Variants in SDR16C5 observed in about 807,000 individuals in gnomAD.
SDR16C5 encodes the protein short chain dehydrogenase/reductase family 16C member 5, also known as epidermal retinol dehydrogenase 2.
A neutral mutation model predicts 27.7 loss-of-function variants in SDR16C5; 20 were observed. The observed-to-expected ratio is 0.72, with a 90% confidence interval of 0.51 to 1.05. SDR16C5 has a LOEUF of 1.05. Ranked by LOEUF, SDR16C5 falls within the 50% of genes least tolerant of loss-of-function variation. The pLI, the probability that SDR16C5 is intolerant of heterozygous loss-of-function variation, is 0.00. For synonymous variants in SDR16C5, 139 were observed against 132.3 expected, an observed-to-expected ratio of 1.05 and a Z score of -0.35; for missense variants, 374 against 366.3, an observed-to-expected ratio of 1.02 and a Z score of -0.17.
At chr8:56,310,716 C>CAAA (rs869062505) in intron 3 of SDR16C5, among the ~76,000 whole-genome samples, 8 of 68,380 alleles carry the variant, frequency 1.2e-4, no homozygotes, top group African/African-American at 4.0e-4. Flanking sequence ...TACTCTATCT[C>CAAA]AAAAAAAAAA....
At chr8:56,307,173 A>G (rs1165707776) in intron 4 of SDR16C5, among the ~76,000 whole-genome samples, 2 of 152,258 alleles carry the variant, frequency 1.3e-5, no homozygotes, top group Admixed American at 6.5e-5. Context: ...CCATTGGGGC[A>G]TGAAGACATT....
chr8:56,302,170 C>A (rs13282231), intron 6 of SDR16C5, among the ~76,000 whole-genome samples: 23,491 of 152,146 alleles, frequency 0.15, 1,810 homozygotes, highest in Middle Eastern at 0.17. Flanking sequence ...CCTTTGCATT[C>A]AATACTGCAG....
At chr8:56,305,507 C>T (rs1287443447) in intron 6 of SDR16C5, 90 bp downstream of exon 6, 1 of 1,095,904 alleles carries the variant, frequency 9.1e-7, no homozygotes, top group East Asian at 2.7e-5. Flanking sequence ...TTTAATTTAT[C>T]AGGTATTTTT....
At chr8:56,303,005 T>TAA (rs112650827) in intron 6 of SDR16C5, among the ~76,000 whole-genome samples, 1 of 139,658 alleles carries the variant, frequency 7.2e-6, no homozygotes, top group African/African-American at 2.7e-5. Flanking sequence ...AGAGTAAAAT[T>TAA]AAAAAAAAAA....
chr8:56,309,126 A>G (rs1214763200), intron 3 of SDR16C5, 99 bp from the exon 4 acceptor site: 6 of 991,750 alleles, frequency 6.0e-6, no homozygotes, highest in African/African-American at 1.7e-5. Flanking sequence ...TTTTTTTTTC[A>G]GCCTGTAAAA....
At chr8:56,317,167 G>C (rs912255436) in intron 1 of SDR16C5, among the ~76,000 whole-genome samples, 1 of 152,122 alleles carries the variant, frequency 6.6e-6, no homozygotes, top group Non-Finnish European at 1.5e-5. Flanking sequence ...CCGTGGCATA[G>C]GGTGTTTTTG....
intron 2 of SDR16C5, among the ~76,000 whole-genome samples, chr8:56,313,117 TC>T (rs1443264453): frequency 1.3e-5 from 2 of 152,182 alleles, no homozygotes; most frequent in African/African-American, 4.8e-5. Context: ...ATTTTTCTCT[TC>T]TTAAAATGAG....
chr8:56,316,031 T>C lies in SDR16C5; in HGVS notation c.317A>G (p.Tyr106Cys). Residue 106 changes from tyrosine (Y) to cysteine (C), a missense_variant, in exon 2 of 7, where the codon TAT becomes TGT. Coordinates refer to ENST00000303749, the MANE Select transcript of SDR16C5 (RefSeq NM_138969.4). Reference protein sequence around the residue: ...TCDCSQKEGVYRVADQVKKEV... With the variant: ...TCDCSQKEGVCRVADQVKKEV... ...AAGAGTTACCTGGTCGGCTACTCTA[T>C]ACACTCCTTCCTTTTGGCTGCAATC... The C allele has an allele frequency of 1.2e-6, 2 of 1,613,310 alleles. No individual in the cohort carries two copies. The highest frequency in any genetic ancestry group is 1.1e-5 in the South Asian group (1 of 90,920).
intron 1 of SDR16C5, among the ~76,000 whole-genome samples, chr8:56,319,133 A>AAAG (rs565361438): frequency 2.3e-4 from 35 of 151,326 alleles, no homozygotes; most frequent in African/African-American, 8.5e-4. Context: ...AGAAAAAAAA[A>AAAG]AAAAAAAAGG....
In SDR16C5 at chr8:56,300,372, C is replaced by G. The variant is rs575521881; in HGVS notation, c.*1108G>C. The G allele has an allele frequency of 6.6e-6, 1 of 152,048 alleles. No individual in the cohort carries two copies. Among genetic ancestry groups the G allele is most frequent in the Non-Finnish European group, 1.5e-5 (1 of 68,028 alleles). 9.4% of individuals were successfully genotyped at this position (152,048 alleles called of 1,614,324 possible). ...ACTTTTACCGGGTCTCCCAAGGTAC[C>G]GCTCATCCCCTCCTTGCTCCCCACA... On this transcript the variant is annotated 3_prime_UTR_variant, in exon 7 of 7. Transcript: ENST00000303749.
At chr8:56,317,113 T>C (rs1815219689) in intron 1 of SDR16C5, among the ~76,000 whole-genome samples, 1 of 152,178 alleles carries the variant, frequency 6.6e-6, no homozygotes, top group South Asian at 2.1e-4. Context: ...GCGGGGGTTC[T>C]CTTGGCCTTA....
intron 4 of SDR16C5, among the ~76,000 whole-genome samples, chr8:56,308,479 A>T (rs1246768135): frequency 6.6e-6 from 1 of 152,236 alleles, no homozygotes; most frequent in Non-Finnish European, 1.5e-5. Flanking sequence ...GTCTTCAACC[A>T]GTGGAAAAAC....
In SDR16C5 at chr8:56,315,338, C is replaced by A. The variant is rs141222517; in HGVS notation, c.333+677G>T. On this transcript the variant is annotated intron_variant, in intron 2 of 6. Transcript: ENST00000303749. ...CATCTTCATGTCAGAGCTTTGGTTT[C>A]CTGAAAGCTTTATGTGTGTATCTGT... is the stretch of plus-strand genomic sequence containing the variant. Among the ~76,000 whole-genome samples the A allele has an allele frequency of 1.7e-3, 256 of 152,050 alleles. 1 individual carries two copies. Among genetic ancestry groups the A allele is most frequent in the African/African-American group, 5.9e-3 (243 of 41,480 alleles).
intron 3 of SDR16C5, among the ~76,000 whole-genome samples, chr8:56,310,077 GGAAGAA>G (rs963699058): frequency 6.8e-6 from 1 of 146,914 alleles, no homozygotes; most frequent in Non-Finnish European, 1.5e-5. Context: ...TGGAGTTGGA[GGAAGAA>G]GAAGAAGGAG....
chr8:56,312,373 T>C, intron 2 of SDR16C5, 85 bp from the exon 3 acceptor site: 2 of 1,267,810 alleles, frequency 1.6e-6, no homozygotes, highest in Non-Finnish European at 2.3e-6. Context: ...ATGTTTTTTT[T>C]ATCCTGGTTA....
chr8:56,317,971 G>A (rs972569116), intron 1 of SDR16C5, among the ~76,000 whole-genome samples: 3 of 152,150 alleles, frequency 2.0e-5, no homozygotes, highest in South Asian at 2.1e-4. Flanking sequence ...TAAACAGATC[G>A]TTATAAGCCA....
At chr8:56,314,400 C>T (rs778616876) in intron 2 of SDR16C5, among the ~76,000 whole-genome samples, 1 of 152,130 alleles carries the variant, frequency 6.6e-6, no homozygotes, top group Non-Finnish European at 1.5e-5. Flanking sequence ...TGAAGTCAAG[C>T]ACCTGGGGCA....
At chr8:56,315,950 G>T in intron 2 of SDR16C5, 65 bp downstream of exon 2, 3 of 1,127,108 alleles carry the variant, frequency 2.7e-6, no homozygotes, top group South Asian at 2.8e-5. Context: ...AATAGGCACT[G>T]AGAAAGGCAA....
intron 2 of SDR16C5, among the ~76,000 whole-genome samples, chr8:56,312,762 T>C (rs1007750029): frequency 3.1e-4 from 41 of 131,210 alleles, no homozygotes; most frequent in Non-Finnish European, 4.0e-4. Context: ...GAGTCTACAA[T>C]GCACCACACA....
Sources: gnomAD v4.1 joint callset for allele counts (sites outside exome capture counted in the v4.1 genomes callset) on GRCh38, gnomAD v4.1.1 for gene constraint, MANE v1.5 for transcripts, NCBI Gene and HGNC (gene_info 2026-07-23, HGNC 2026-07-21) for gene names.